Variants in SECISBP2L observed in about 807,000 individuals in gnomAD.
SECISBP2L encodes selenocysteine insertion sequence-binding protein 2-like.
A neutral mutation model predicts 114.7 loss-of-function variants in SECISBP2L; 43 were observed. The observed-to-expected ratio is 0.38, with a 90% CI of 0.29 to 0.48. The LOEUF (loss-of-function observed/expected upper bound fraction) is 0.48, where lower values mean the gene tolerates loss of function less well. Among genes scored for constraint, SECISBP2L ranks in the 20% least tolerant of loss-of-function variants. SECISBP2L has a pLI of 0.98. For missense variants in SECISBP2L, 1,136 were observed against 1,301.1 expected (o/e 0.87, Z 1.95); for synonymous variants, 451 against 439.7 (o/e 1.03, Z -0.32).
At position 48,992,864 on chromosome 15, in the gene SECISBP2L, C is replaced by T. The variant is rs1445393413; in HGVS notation, c.2686G>A (p.Glu896Lys). The T allele has an allele frequency of 1.2e-6, 2 of 1,614,160 alleles. No individual in the cohort carries two copies. The highest frequency in any genetic ancestry group is 1.7e-5 in the Admixed American group (1 of 60,018). Residue 896 changes from glutamate to lysine, a missense_variant, in exon 18 of 18, where the codon GAG becomes AAG. Physicochemically the swap from Glu to Lys is moderately conservative, Grantham distance 56. Around this residue, in one of 2 missense-constraint regions of SECISBP2L, gnomAD observed 684 missense variants for 848.7 expected, o/e 0.81. Coordinates refer to ENST00000559471, the MANE Select transcript of SECISBP2L (RefSeq NM_001193489.2). ...DGLEASENEK[E>K]VSCKHSTSEK... is the part of the protein sequence containing the mutation. ...GAAGTGCTGTGCTTACAGGATACCT[C>T]TTTCTCATTTTCTGATGCTTCCAGT...
At chr15:49,029,276 C>T (rs1274188694) in intron 4 of SECISBP2L, among the ~76,000 whole-genome samples, 2 of 152,118 alleles carry the variant, frequency 1.3e-5, no homozygotes, top group South Asian at 4.1e-4. Context: ...CTGTGTGCTC[C>T]CCTCCACTAC....
chr15:49,005,840 C>T (rs950163374), intron 14 of SECISBP2L, among the ~76,000 whole-genome samples: 2 of 152,032 alleles, frequency 1.3e-5, no homozygotes, highest in African/African-American at 4.8e-5. Context: ...GCAGTTTCTT[C>T]ATAGTGTTGA....
intron 17 of SECISBP2L, among the ~76,000 whole-genome samples, chr15:48,994,095 G>A (rs1473334201): frequency 6.7e-6 from 1 of 149,674 alleles, no homozygotes; most frequent in African/African-American, 2.5e-5. Context: ...CCTTTCCACT[G>A]TCATTTCTAC....
intron 13 of SECISBP2L, among the ~76,000 whole-genome samples, chr15:49,009,721 ACATTC>A (rs1902399018): frequency 2.6e-5 from 4 of 152,074 alleles, no homozygotes; most frequent in Admixed American, 1.3e-4. Context: ...TAAAAAAAAA[ACATTC>A]CCTCTCTCTC....
chr15:48,992,399 C>T lies in SECISBP2L; in HGVS notation c.3151G>A (p.Glu1051Lys). The part of the protein sequence containing the change: ...EEDNVEQSGE[E>K]EAEAPEVLEP... Reference sequence around the variant, plus strand: ...AGCACCTCAGGCGCCTCTGCTTCCTCTTCTCCACTTTGCTCTACATTGTCT... The same window carrying T: ...AGCACCTCAGGCGCCTCTGCTTCCTTTTCTCCACTTTGCTCTACATTGTCT... The change falls in exon 18 of 18, where the codon GAG (glutamate) becomes AAG (lysine). Residue 1051 changes from glutamate (E) to lysine (K), a missense_variant. By Grantham distance (56) the Glu-to-Lys change is moderately conservative (BLOSUM62 1). Around this residue, in one of 2 missense-constraint regions of SECISBP2L, gnomAD observed 684 missense variants for 848.7 expected, o/e 0.81. Transcript: ENST00000559471. 6.2e-7 allele frequency: 1 copy of T among 1,614,204 alleles called. No homozygotes were observed. Among genetic ancestry groups the T allele is most frequent in the Non-Finnish European group, 8.5e-7 (1 of 1,180,044 alleles).
At position 49,032,394 on chromosome 15, in the gene SECISBP2L, C is replaced by T. The variant is rs189623121; in HGVS notation, c.664+571G>A. Among the ~76,000 whole-genome samples, 466 of 152,236 alleles carry T rather than the reference C, an allele frequency of 3.1e-3. 4 individuals are homozygous for T. The highest frequency in any genetic ancestry group is 0.01 in the South Asian group (49 of 4,830). ...ATAGCACATTGTAAGAATACTAATT[C>T]TTGTCTATTACCAGGTGAAAGCTTT... On this transcript the variant is annotated intron_variant, in intron 4 of 17. Transcript: ENST00000559471.
At chr15:49,024,277 CACG>C (rs1382052439) in intron 7 of SECISBP2L, among the ~76,000 whole-genome samples, 3 of 152,184 alleles carry the variant, frequency 2.0e-5, no homozygotes, top group Admixed American at 2.0e-4. Flanking sequence ...GTGGGTGGAT[CACG>C]AGGTCAGGAG....
intron 1 of SECISBP2L, 143 bp downstream of exon 1, chr15:49,046,133 T>C: frequency 2.2e-6 from 2 of 891,672 alleles, no homozygotes; most frequent in Non-Finnish European, 3.3e-6. Flanking sequence ...GAAGGAGAGC[T>C]GGGAGCTGCC....
intron 2 of SECISBP2L, among the ~76,000 whole-genome samples, chr15:49,036,833 T>C (rs917604659): frequency 1.3e-5 from 2 of 152,180 alleles, no homozygotes; most frequent in African/African-American, 4.8e-5. Context: ...TATAGATGGG[T>C]GGAAATATTG....
At chr15:49,039,176 C>G (rs994035183) in intron 1 of SECISBP2L, among the ~76,000 whole-genome samples, 1 of 152,092 alleles carries the variant, frequency 6.6e-6, no homozygotes, top group Non-Finnish European at 1.5e-5. Context: ...GTACTATTAA[C>G]CAAATCAGAA....
rs572947215 is a variant in SECISBP2L at position 49,028,125 on chromosome 15, C to A, written c.919+19G>T. 16 of 1,573,012 alleles carry A rather than the reference C, an allele frequency of 1.0e-5. No individual in the cohort carries two copies. The Admixed American group carries it at 2.6e-4, about 26-fold the overall frequency. On this transcript the variant is annotated intron_variant, in intron 6 of 17. Transcript: ENST00000559471. ...CAAAGTAGAAAGTATAGCAAAAACA[C>A]AATGCAGAAAACAAGTACCTGCACA...
At chr15:49,002,598 A>G (rs1902234595) in intron 14 of SECISBP2L, among the ~76,000 whole-genome samples, 1 of 152,156 alleles carries the variant, frequency 6.6e-6, no homozygotes, top group South Asian at 2.1e-4. Context: ...TTATGTTTTA[A>G]GCCATTAATT....
intron 7 of SECISBP2L, among the ~76,000 whole-genome samples, chr15:49,022,210 T>C (rs573878321): frequency 6.6e-6 from 1 of 152,172 alleles, no homozygotes; most frequent in South Asian, 2.1e-4. Context: ...CTCAAACTCC[T>C]GGGCTCAAGC....
At chr15:49,020,729 C>CAA (rs1309682502) in intron 7 of SECISBP2L, among the ~76,000 whole-genome samples, 3 of 152,160 alleles carry the variant, frequency 2.0e-5, no homozygotes, top group Admixed American at 2.0e-4. Context: ...GGCTGGTCTG[C>CAA]AACTCCTGGG....
At chr15:49,013,057 C>T in intron 11 of SECISBP2L, 1 of 423,680 alleles carries the variant, frequency 2.4e-6, no homozygotes, top group South Asian at 3.3e-5. Flanking sequence ...ATAATTAGTT[C>T]TACTCTCCTG....
chr15:49,017,514 TA>T (rs1566857633), intron 9 of SECISBP2L, 33 bp downstream of exon 9: 3 of 1,320,642 alleles, frequency 2.3e-6, no homozygotes, highest in Non-Finnish European at 2.2e-6. Context: ...CAAAAGATGT[TA>T]TATTTTGCTT....
At chr15:49,032,001 T>C (rs924545968) in intron 4 of SECISBP2L, among the ~76,000 whole-genome samples, 3 of 152,218 alleles carry the variant, frequency 2.0e-5, no homozygotes, top group African/African-American at 7.2e-5. Flanking sequence ...GCCTTTATGC[T>C]TTAACCACAC....
chr15:49,006,704 T>C (rs1902330954), intron 14 of SECISBP2L, among the ~76,000 whole-genome samples: 1 of 152,154 alleles, frequency 6.6e-6, no homozygotes, highest in South Asian at 2.1e-4. Flanking sequence ...CATACTCCTT[T>C]AGCTCGGAGG....
intron 10 of SECISBP2L, 48 bp from the exon 11 acceptor site, chr15:49,016,749 T>G: frequency 1.3e-6 from 2 of 1,522,394 alleles, no homozygotes; most frequent in Non-Finnish European, 1.8e-6. Flanking sequence ...AGTACGAAAC[T>G]GTGGCATTTT....
Sources: allele counts gnomAD v4.1 joint callset (sites outside exome capture counted in the v4.1 genomes callset), GRCh38; gene constraint gnomAD v4.1.1; regional missense constraint gnomAD v4.1.1; transcripts MANE v1.5; gene names NCBI Gene and HGNC (gene_info 2026-07-23, HGNC 2026-07-21).